The following FBXL17 variants were observed in gnomAD, a reference collection of about 807,000 sequenced individuals.
The protein encoded by FBXL17 is F-box/LRR-repeat protein 17.
A neutral mutation model predicts 66.2 loss-of-function variants in FBXL17; 22 were observed. The ratio of observed to expected loss-of-function variants is 0.33; its 90% CI spans 0.24 to 0.47. The LOEUF is 0.47. Ranked by LOEUF, FBXL17 falls within the 20% of genes least tolerant of loss-of-function variation. The pLI, the probability that FBXL17 is intolerant of heterozygous loss-of-function variation, is 1.00. For synonymous variants in FBXL17, 474 were observed against 400.5 expected (o/e 1.18, Z -2.19); for missense variants, 878 against 948.2 (o/e 0.93, Z 0.97).
chr5:107,881,632 T>C (rs573517857), intron 7 of FBXL17, among the ~76,000 whole-genome samples: 4 of 152,218 alleles, frequency 2.6e-5, no homozygotes, highest in Non-Finnish European at 5.9e-5. Flanking sequence ...ATTGGCATAA[T>C]TTTTTCCATC....
chr5:108,131,364 C>G (rs1215813624), intron 6 of FBXL17, among the ~76,000 whole-genome samples: 1 of 152,026 alleles, frequency 6.6e-6, no homozygotes, highest in African/African-American at 2.4e-5. Context: ...AATTCAGTTA[C>G]CAAAATCACA....
chr5:108,230,283 A>C (rs2167001), intron 4 of FBXL17, among the ~76,000 whole-genome samples: 70,610 of 152,030 alleles, frequency 0.46, 16,596 homozygotes, highest in Non-Finnish European at 0.5. Flanking sequence ...ATGTTTATGG[A>C]AACACAATTC....
intron 6 of FBXL17, among the ~76,000 whole-genome samples, chr5:108,181,834 C>T (rs1004824300): frequency 1.2e-4 from 19 of 152,038 alleles, no homozygotes; most frequent in African/African-American, 4.3e-4. Context: ...ATGTGAATCC[C>T]AGCTATGACG....
At chr5:107,946,835 C>A (rs1421630015) in intron 7 of FBXL17, among the ~76,000 whole-genome samples, 1 of 151,938 alleles carries the variant, frequency 6.6e-6, no homozygotes, top group Non-Finnish European at 1.5e-5. Context: ...GAGAAAAATA[C>A]CCATGAATGG....
At chr5:108,152,200 A>T (rs1307401073) in intron 6 of FBXL17, among the ~76,000 whole-genome samples, 1 of 152,242 alleles carries the variant, frequency 6.6e-6, no homozygotes, top group South Asian at 2.1e-4. Flanking sequence ...ATAATAATTT[A>T]GTACAATATT....
intron 7 of FBXL17, among the ~76,000 whole-genome samples, chr5:108,000,946 A>G (rs1580310062): frequency 6.6e-6 from 1 of 152,330 alleles, no homozygotes; most frequent in African/African-American, 2.4e-5. Flanking sequence ...CTTGAATCCT[A>G]AGTGCTCATA....
At chr5:108,107,469 T>C (rs1219250639) in intron 6 of FBXL17, among the ~76,000 whole-genome samples, 1 of 152,208 alleles carries the variant, frequency 6.6e-6, no homozygotes, top group African/African-American at 2.4e-5. Flanking sequence ...CATTAATTTA[T>C]AATTCACTTT....
intron 4 of FBXL17, among the ~76,000 whole-genome samples, chr5:108,289,563 G>A (rs1343100888): frequency 6.6e-6 from 1 of 152,034 alleles, no homozygotes; most frequent in Non-Finnish European, 1.5e-5. Flanking sequence ...GAAGGTATGG[G>A]GACTATAAAG....
intron 6 of FBXL17, 47 bp from the exon 7 acceptor site, chr5:108,021,048 T>C: frequency 7.3e-7 from 1 of 1,365,642 alleles, no homozygotes; most frequent in Non-Finnish European, 1.0e-6. Flanking sequence ...CAAGTTAAAT[T>C]AGCAGGGGTT....
At chr5:108,142,889 C>T (rs1015304564) in intron 6 of FBXL17, among the ~76,000 whole-genome samples, 12 of 151,804 alleles carry the variant, frequency 7.9e-5, no homozygotes, top group African/African-American at 2.2e-4. Flanking sequence ...ATGTAGATGA[C>T]GGGTTGATGG....
At chr5:108,009,876 TAGCTAATAA>T (rs1754110229) in intron 7 of FBXL17, among the ~76,000 whole-genome samples, 1 of 152,190 alleles carries the variant, frequency 6.6e-6, no homozygotes, top group African/African-American at 2.4e-5. Context: ...CCTGATTTTA[TAGCTAATAA>T]GATCAACGTG....
At chr5:107,872,932 C>G (rs575285153) in intron 8 of FBXL17, among the ~76,000 whole-genome samples, 1 of 152,136 alleles carries the variant, frequency 6.6e-6, no homozygotes, top group Non-Finnish European at 1.5e-5. Flanking sequence ...TCTGGCAGGA[C>G]GGAGTGGTTA....
Position 108,133,438 on chromosome 5 carries a change from T to G in FBXL17, c.1745+52679A>C, listed in dbSNP as rs537785341. 8.5e-5 allele frequency among the ~76,000 whole-genome samples: 13 copies of G among 152,274 alleles called. No individual in the cohort carries two copies. In the East Asian group the frequency reaches 2.3e-3, roughly 27 times the overall value. On this transcript the variant is annotated intron_variant, in intron 6 of 8. Transcript: ENST00000542267. ...TTATAAGCAGCAATAATAAACTATTTGAAATTATGAGAGAAATCTTAAGTA... is the reference window on the plus strand; with the variant it reads ...TTATAAGCAGCAATAATAAACTATTGGAAATTATGAGAGAAATCTTAAGTA...
At chr5:108,020,671 TGA>T (rs953515590) in intron 7 of FBXL17, 191 of 272,316 alleles carry the variant, frequency 7.0e-4, no homozygotes, top group Middle Eastern at 2.1e-3. Context: ...TAATTTTGTG[TGA>T]GTGTGTGTGT....
chr5:107,888,134 GTTCT>G (rs1205636051), intron 7 of FBXL17, among the ~76,000 whole-genome samples: 3 of 152,008 alleles, frequency 2.0e-5, no homozygotes, highest in Admixed American at 2.0e-4. Flanking sequence ...TTTCCAGATA[GTTCT>G]TTTTTTGCAA....
At chr5:107,948,377 T>A (rs1303700117) in intron 7 of FBXL17, among the ~76,000 whole-genome samples, 1 of 152,228 alleles carries the variant, frequency 6.6e-6, no homozygotes, top group Non-Finnish European at 1.5e-5. Context: ...GGAGTCACCC[T>A]GGACTCCTTC....
chr5:108,108,956 T>A (rs550536664), intron 6 of FBXL17, among the ~76,000 whole-genome samples: 2 of 151,928 alleles, frequency 1.3e-5, no homozygotes, highest in African/African-American at 4.8e-5. Context: ...GCTAATTTCA[T>A]ATTTTTTAGT....
At chr5:108,084,907 T>C (rs1748912951) in intron 6 of FBXL17, among the ~76,000 whole-genome samples, 2 of 152,228 alleles carry the variant, frequency 1.3e-5, no homozygotes, top group Non-Finnish European at 2.9e-5. Flanking sequence ...TTTTAACACT[T>C]ACAATTCCTA....
chr5:108,047,098 T>C (rs1338782931), intron 6 of FBXL17, among the ~76,000 whole-genome samples: 8 of 152,192 alleles, frequency 5.3e-5, no homozygotes, highest in Admixed American at 1.3e-4. Flanking sequence ...ATATGAATCC[T>C]ACGCTGGCAA....
Sources: allele counts gnomAD v4.1 joint callset (sites outside exome capture counted in the v4.1 genomes callset), GRCh38; gene constraint gnomAD v4.1.1; transcripts MANE v1.5; gene names NCBI Gene and HGNC (gene_info 2026-07-23, HGNC 2026-07-21).